Variants in CDHR2 observed in about 807,000 individuals in gnomAD.
CDHR2 encodes cadherin related family member 2.
CDHR2 carries 104 observed loss-of-function variants against 138.6 expected under a neutral mutation model. The ratio of observed to expected loss-of-function variants is 0.75; its 90% CI spans 0.64 to 0.88. The LOEUF (loss-of-function observed/expected upper bound fraction) is 0.88. Among genes scored for constraint, CDHR2 ranks in the 40% least tolerant of loss-of-function variants. The probability of loss-of-function intolerance (pLI) is 0.00; values close to 1 mark genes in which losing one functional copy is unlikely to be tolerated. For synonymous variants in CDHR2, 755 were observed against 742.8 expected (o/e 1.02, Z -0.27); for missense variants, 1,624 against 1,727.6 (o/e 0.94, Z 1.06).
In CDHR2 at chr5:176,556,447, AC is replaced by A. The variant is rs1371441686; in HGVS notation, c.-16+7034del. 3.9e-5 allele frequency among the ~76,000 whole-genome samples: 6 copies of A among 152,314 alleles called. No individual in the cohort carries two copies. The East Asian group carries it at 1.2e-3, about 29-fold the overall frequency. Reference sequence around the variant, plus strand: ...TTTGGGAGGCCGAGGCGGGCGGATCACAAGGTCAGGAGATCGAGACCATCCC... The same window carrying A: ...TTTGGGAGGCCGAGGCGGGCGGATCAAAGGTCAGGAGATCGAGACCATCCC... On this transcript the variant is annotated intron_variant, in intron 1 of 31. Transcript: ENST00000261944.
intron 1 of CDHR2, 49 bp from the exon 2 acceptor site, chr5:176,565,289 A>G: frequency 7.1e-7 from 1 of 1,407,456 alleles, no homozygotes; most frequent in East Asian, 2.3e-5. Context: ...AGTCTGCCAA[A>G]AGGAGGGAGG....
At chr5:176,570,220 A>G (rs1049877545) in intron 5 of CDHR2, among the ~76,000 whole-genome samples, 6 of 152,196 alleles carry the variant, frequency 3.9e-5, no homozygotes, top group Non-Finnish European at 8.8e-5. Flanking sequence ...TGTAACGTCT[A>G]TATCTATGGT....
At chr5:176,567,944 A>G (rs1758120801) in intron 3 of CDHR2, among the ~76,000 whole-genome samples, 1 of 152,246 alleles carries the variant, frequency 6.6e-6, no homozygotes, top group African/African-American at 2.4e-5. Context: ...CTTTTAAAAG[A>G]AATGCAACTT....
At chr5:176,564,353 C>T (rs925898363) in intron 1 of CDHR2, among the ~76,000 whole-genome samples, 23 of 152,120 alleles carry the variant, frequency 1.5e-4, no homozygotes, top group Admixed American at 1.4e-3. Flanking sequence ...GCCCGGCTAA[C>T]GTTTTTTGTA....
intron 14 of CDHR2, 21 bp from the exon 15 acceptor site, chr5:176,578,013 T>C (rs768568206): frequency 6.2e-7 from 1 of 1,604,880 alleles, no homozygotes; most frequent in South Asian, 1.1e-5. Context: ...CACAGCACCC[T>C]GCCATGTCTC....
rs1758835526 is a variant in CDHR2, at chr5:176,591,291, CA to C, written c.3622del (p.Ile1208SerfsTer16). On this transcript the variant is annotated frameshift_variant, in exon 29 of 32. Coordinates refer to ENST00000261944, the MANE Select transcript of CDHR2 (RefSeq NM_017675.6). LOFTEE classifies it high-confidence loss of function. ...AAGVMPSAPA[I>X]PGTNMYNTER... ...CAGGGGTGATGCCCTCAGCCCCTGC[CA>C]TCCCAGGGACTAACATGTACAACAC... The C allele has an allele frequency of 4.3e-6, 7 of 1,613,686 alleles. No individual in the cohort carries two copies. The highest frequency in any genetic ancestry group is 5.9e-6 in the Non-Finnish European group (7 of 1,179,758).
chr5:176,576,170 C>A lies in CDHR2; in HGVS notation c.1179C>A (p.Val393=). 6.2e-7 allele frequency: 1 copy of A among 1,611,602 alleles called. No individual in the cohort carries two copies. The change falls in exon 12 of 32, where the codon GTC becomes GTA. Residue 393 remains valine (V), a synonymous_variant. Coordinates refer to ENST00000261944, the MANE Select transcript of CDHR2 (RefSeq NM_017675.6). The surrounding 1 kb of genome is among the most constrained non-coding windows in gnomAD (Gnocchi z 4.5). ...RIPIDDLTMV[V]YDPDKGSNGT... The stretch of plus-strand genomic sequence containing the variant: ...CCATCGATGACCTCACCATGGTGGT[C>A]TACGACCCGGACAAGGCAGGCGTGG...
chr5:176,555,059 G>A (rs1200286547), intron 1 of CDHR2, among the ~76,000 whole-genome samples: 1 of 152,208 alleles, frequency 6.6e-6, no homozygotes, highest in East Asian at 1.9e-4. Flanking sequence ...ATGTTTAACG[G>A]TTGCCAAACA....
chr5:176,581,097 G>A (rs975831138), intron 16 of CDHR2, among the ~76,000 whole-genome samples: 1 of 152,126 alleles, frequency 6.6e-6, no homozygotes, highest in Non-Finnish European at 1.5e-5. Flanking sequence ...GGCTGGGCAC[G>A]TAGGTCCACA....
At chr5:176,561,951 T>C (rs1251011013) in intron 1 of CDHR2, among the ~76,000 whole-genome samples, 1 of 152,114 alleles carries the variant, frequency 6.6e-6, no homozygotes, top group Non-Finnish European at 1.5e-5. Context: ...TGGAGCTGGC[T>C]TTTAAAAATG....
Position 176,574,493 on chromosome 5 carries a change from C to T in CDHR2, c.495+321C>T, listed in dbSNP as rs556255659. Among the ~76,000 whole-genome samples the T allele has an allele frequency of 6.6e-5, 10 of 152,294 alleles. 1 individual carries two copies. The highest frequency in any genetic ancestry group is 3.9e-4 in the Admixed American group (6 of 15,292). Reference sequence around the variant, plus strand: ...ACTTGCTGTTGATAGCGCCATTTACCGAGCACCAACCACGTGCCTGGCACA... The same window carrying T: ...ACTTGCTGTTGATAGCGCCATTTACTGAGCACCAACCACGTGCCTGGCACA... On this transcript the variant is annotated intron_variant, in intron 7 of 31. Coordinates refer to ENST00000261944, the MANE Select transcript of CDHR2 (RefSeq NM_017675.6).
In CDHR2 at chr5:176,565,791, G is replaced by A. The variant is rs759043225; in HGVS notation, c.124+48G>A. 66 of 1,519,028 alleles carry A rather than the reference G, an allele frequency of 4.3e-5. No individual in the cohort carries two copies. In the East Asian group the frequency reaches 8.8e-4, roughly 20 times the overall value. 94.1% of individuals were successfully genotyped at this position (1,519,028 alleles called of 1,614,324 possible). A position where few individuals can be genotyped will look rare whatever the true frequency, so the allele number is the denominator to read the frequency against. ...GCCCCATGTCAGGTCCTGACCCACAGGAAAGTCCTGGGGTGCCCTCTGGAG... is the reference window on the plus strand; with the variant it reads ...GCCCCATGTCAGGTCCTGACCCACAAGAAAGTCCTGGGGTGCCCTCTGGAG... On this transcript the variant is annotated intron_variant, in intron 3 of 31. Transcript: ENST00000261944.
At chr5:176,588,367 G>GTA (rs763528996) in intron 21 of CDHR2, among the ~76,000 whole-genome samples, 2 of 147,298 alleles carry the variant, frequency 1.4e-5, no homozygotes, top group African/African-American at 5.3e-5. Context: ...GTGTATTTGT[G>GTA]TGAGTGTGTG....
At chr5:176,595,114 T>C (rs1262780121) in intron 31 of CDHR2, among the ~76,000 whole-genome samples, 1 of 152,154 alleles carries the variant, frequency 6.6e-6, no homozygotes, top group Non-Finnish European at 1.5e-5. Context: ...GAGGACATGT[T>C]CCCTCCCTCA....
intron 11 of CDHR2, 55 bp from the exon 12 acceptor site, chr5:176,575,897 A>ATC (rs957973730): frequency 8.3e-6 from 13 of 1,565,704 alleles, no homozygotes; most frequent in Admixed American, 1.9e-5. Context: ...CTGGCCTTTG[A>ATC]TCTCTCTCTC....
At chr5:176,588,546 T>G (rs532298612) in intron 21 of CDHR2, among the ~76,000 whole-genome samples, 1 of 147,962 alleles carries the variant, frequency 6.8e-6, no homozygotes, top group African/African-American at 2.5e-5. Context: ...GGTGAGTGAG[T>G]GTATGTGTGA....
At chr5:176,568,350 C>T (rs1758129074) in intron 3 of CDHR2, among the ~76,000 whole-genome samples, 1 of 152,232 alleles carries the variant, frequency 6.6e-6, no homozygotes, top group South Asian at 2.1e-4. Flanking sequence ...GATGCTGCAG[C>T]TGGAAAGGTT....
intron 14 of CDHR2, 94 bp downstream of exon 14, chr5:176,577,892 G>A: frequency 6.6e-7 from 1 of 1,504,766 alleles, no homozygotes; most frequent in Non-Finnish European, 9.1e-7. Context: ...GTGTGAGATG[G>A]GGGTGGCCAT....
Position 176,576,535 on chromosome 5 carries a change from A to G in CDHR2, c.1194+350A>G, listed in dbSNP as rs1758386884. Among the ~76,000 whole-genome samples, 1 of 150,082 alleles carries G rather than the reference A, an allele frequency of 6.7e-6. No homozygotes were observed. Among genetic ancestry groups the G allele is most frequent in the South Asian group, 2.1e-4 (1 of 4,780 alleles). ...TCCTGGGAACTGGGGGAGGCTGAGC[A>G]GTGTTGGGACAAGTGGTCTGAGGGT... On this transcript the variant is annotated intron_variant, in intron 12 of 31. Coordinates refer to ENST00000261944, the MANE Select transcript of CDHR2 (RefSeq NM_017675.6). The surrounding 1 kb of genome is among the most constrained non-coding windows in gnomAD (Gnocchi z 4.5).
Sources: allele counts gnomAD v4.1 joint callset (sites outside exome capture counted in the v4.1 genomes callset), GRCh38; gene constraint gnomAD v4.1.1; non-coding constraint Gnocchi (gnomAD v3.1); transcripts MANE v1.5; gene names NCBI Gene and HGNC (gene_info 2026-07-23, HGNC 2026-07-21).